DPEP3: variants seen among roughly 807,000 people sequenced by gnomAD.
DPEP3 encodes the protein dipeptidase 3, also known as membrane-bound dipeptidase 3.
DPEP3 carries 42 observed loss-of-function variants against 47.5 expected under a neutral mutation model. The observed-to-expected ratio is 0.88, with a 90% CI of 0.69 to 1.14. DPEP3 has a LOEUF of 1.14. DPEP3 is among the 50% of genes most tolerant of loss of function. The pLI, the probability that DPEP3 is intolerant of heterozygous loss-of-function variation, is 0.00. For missense variants in DPEP3, 560 were observed against 635.0 expected (o/e 0.88, Z 1.27); for synonymous variants, 276 against 270.2 (o/e 1.02, Z -0.21).
chr16:67,976,075 TCCACCA>T lies in DPEP3; in HGVS notation c.1230+12_1230+17del. The T allele has an allele frequency of 6.2e-7, 1 of 1,614,096 alleles. No individual in the cohort carries two copies. Among genetic ancestry groups the T allele is most frequent in the Non-Finnish European group, 8.5e-7 (1 of 1,179,968 alleles). On this transcript the variant is annotated intron_variant, in intron 9 of 9. Coordinates refer to ENST00000268793, the MANE Select transcript of DPEP3 (RefSeq NM_001370198.1). Reference sequence around the variant, plus strand: ...CTTCTCAAACCACTGAACCATCCTGTCCACCAGCCCAGCTTACCTTTTCCACTTGTC... The same window carrying T: ...CTTCTCAAACCACTGAACCATCCTGTGCCCAGCTTACCTTTTCCACTTGTC...
At position 67,977,812 on chromosome 16, in the gene DPEP3, C is replaced by T; in HGVS notation, c.774G>A (p.Leu258=). 6.2e-7 allele frequency: 1 copy of T among 1,613,922 alleles called. No individual in the cohort carries two copies. The highest frequency in any genetic ancestry group is 8.5e-7 in the Non-Finnish European group (1 of 1,179,860). ...AATCTATCATCATGCCCAGGCGGTT[C>T]AACTCCTCTACTACTTTCTGCAGAA... ...TSFGEKVVEE[L]NRLGMMIDLS... is the part of the protein sequence containing the mutation. Residue 258 remains leucine, a synonymous_variant, in exon 6 of 10, where the codon TTG becomes TTA. Transcript: ENST00000268793.
chr16:67,975,689 C>T lies in DPEP3; in HGVS notation c.*76G>A. 7.4e-7 allele frequency: 1 copy of T among 1,354,850 alleles called. No individual in the cohort carries two copies. The highest frequency in any genetic ancestry group is 1.0e-6 in the Non-Finnish European group (1 of 976,908). The allele number at this position is 1,354,850 out of a possible 1,614,324, so 83.9% of individuals were successfully genotyped here. ...CCATGTGTAACATGTTTATTCTCAG[C>T]ATATGCTTGTGAATGAACTAGGAGA... is the stretch of plus-strand genomic sequence containing the variant. On this transcript the variant is annotated 3_prime_UTR_variant, in exon 10 of 10. Transcript: ENST00000268793.
chr16:67,976,047 C>T, intron 9 of DPEP3, 46 bp from the exon 10 acceptor site: 1 of 1,613,830 alleles, frequency 6.2e-7, no homozygotes, highest in Non-Finnish European at 8.5e-7. Context: ...GCAATCCCCT[C>T]CCCTTCTCAA....
chr16:67,976,541 G>A (rs1235058815), intron 8 of DPEP3, among the ~76,000 whole-genome samples, 159 bp downstream of exon 8: 1 of 152,234 alleles, frequency 6.6e-6, no homozygotes, highest in African/African-American at 2.4e-5. Flanking sequence ...GGGACAGGGA[G>A]AAACTAGGAA....
chr16:67,977,774 G>A lies in DPEP3; in HGVS notation c.812C>T (p.Ser271Leu), dbSNP rs147119305. ...CAGGACCCTTCTTATCAAGGTGTCCGATGCATAGGACAAATCTATCATCAT... is the reference window on the plus strand; with the variant it reads ...CAGGACCCTTCTTATCAAGGTGTCCAATGCATAGGACAAATCTATCATCAT... ...LGMMIDLSYA[S>L]DTLIRRVLEV... The change falls in exon 6 of 10, where the codon TCG (serine) becomes TTG (leucine). Residue 271 changes from serine (S) to leucine (L), a missense_variant. Transcript: ENST00000268793. The A allele has an allele frequency of 9.9e-6, 16 of 1,613,838 alleles. No homozygotes were observed. The highest frequency in any genetic ancestry group is 2.2e-5 in the East Asian group (1 of 44,876).
chr16:67,977,920 C>A lies in DPEP3; in HGVS notation c.756+18G>T. ...CGTAGGCAGCAGGTGGGTTGGGGTA[C>A]AAAACAGGAGTCCTCACCTCACCAA... is the stretch of plus-strand genomic sequence containing the variant. On this transcript the variant is annotated intron_variant, in intron 5 of 9. Transcript: ENST00000268793. 1 of 1,613,930 alleles carries A rather than the reference C, an allele frequency of 6.2e-7. No individual in the cohort carries two copies. Among genetic ancestry groups the A allele is most frequent in the Non-Finnish European group, 8.5e-7 (1 of 1,179,878 alleles).
At position 67,975,963 on chromosome 16, in the gene DPEP3, A is replaced by G; in HGVS notation, c.1269T>C (p.Ala423=). Residue 423 remains alanine (A), a synonymous_variant, in exon 10 of 10, where the codon GCT becomes GCC. Coordinates refer to ENST00000268793, the MANE Select transcript of DPEP3 (RefSeq NM_001370198.1). The part of the protein sequence containing the change: ...EESRAQSPVE[A]EFPYGQLSTS... ...TGCTCAGTTGCCCATATGGAAACTC[A>G]GCCTCCACGGGGCTCTGCGCCCTGC... 1.2e-6 allele frequency: 2 copies of G among 1,614,016 alleles called. No individual in the cohort carries two copies. The highest frequency in any genetic ancestry group is 1.7e-6 in the Non-Finnish European group (2 of 1,179,884).
intron 7 of DPEP3, 134 bp from the exon 8 acceptor site, chr16:67,976,909 C>T: frequency 1.3e-6 from 1 of 750,220 alleles, no homozygotes; most frequent in Non-Finnish European, 2.2e-6. Flanking sequence ...GAAGCGGGTA[C>T]AGGCTGGTCA....
chr16:67,979,120 C>A (rs2031266328), intron 2 of DPEP3, among the ~76,000 whole-genome samples: 1 of 152,186 alleles, frequency 6.6e-6, no homozygotes, highest in South Asian at 2.1e-4. Context: ...GCCTGGCCAA[C>A]ATGGTAAAAC....
chr16:67,975,886 A>C lies in DPEP3; in HGVS notation c.1346T>G (p.Leu449Arg), dbSNP rs774941450. 5.6e-6 allele frequency: 9 copies of C among 1,613,774 alleles called. No homozygotes were observed. The highest frequency in any genetic ancestry group is 3.3e-4 in the Middle Eastern group (2 of 6,084). The change falls in exon 10 of 10, where the codon CTG becomes CGG. Residue 449 changes from leucine (L) to arginine (R), a missense_variant. Transcript: ENST00000268793. ...ATTGGTTGGCTGCTTGGTCACCTCC[A>C]GATGAGTAGCCTGGTGTCCATTCTG... Reference protein sequence around the residue: ...VPQNGHQATHLEVTKQPTNRV... With the variant: ...VPQNGHQATHREVTKQPTNRV...
chr16:67,977,127 A>G, intron 7 of DPEP3, 143 bp downstream of exon 7: 1 of 697,756 alleles, frequency 1.4e-6, no homozygotes, highest in Non-Finnish European at 2.5e-6. Context: ...TCTGGGTGGC[A>G]CTGAAGAGCT....
chr16:67,975,818 G>C lies in DPEP3; in HGVS notation c.1414C>G (p.Pro472Ala). 1 of 1,613,938 alleles carries C rather than the reference G, an allele frequency of 6.2e-7. No individual in the cohort carries two copies. Among genetic ancestry groups the C allele is most frequent in the African/African-American group, 1.3e-5 (1 of 75,074 alleles). ...ATGGTGGCAGCAGCCACAAGGCCTGGAACAAGGTATGGGGAGGCATTTGAG... is the reference window on the plus strand; with the variant it reads ...ATGGTGGCAGCAGCCACAAGGCCTGCAACAAGGTATGGGGAGGCATTTGAG... ...RSSNASPYLV[P>A]GLVAAATIPT... The change falls in exon 10 of 10, where the codon CCA (proline) becomes GCA (alanine). Residue 472 changes from proline (P) to alanine (A), a missense_variant. By Grantham distance (27) the Pro-to-Ala change is conservative. Transcript: ENST00000268793.
rs1390520430 is a variant in DPEP3, at chr16:67,979,186, T to C, written c.414+453A>G. Among the ~76,000 whole-genome samples, 12 of 152,124 alleles carry C rather than the reference T, an allele frequency of 7.9e-5. No homozygotes were observed. In the East Asian group the frequency reaches 2.1e-3, roughly 27 times the overall value. Reference sequence around the variant, plus strand: ...AGGGCGTGGTGGCGAGTGCCTGTAATCCCAGCTACTCAGGAGGCTGAGGCA... The same window carrying C: ...AGGGCGTGGTGGCGAGTGCCTGTAACCCCAGCTACTCAGGAGGCTGAGGCA... On this transcript the variant is annotated intron_variant, in intron 2 of 9. Transcript: ENST00000268793.
chr16:67,977,206 C>A, intron 7 of DPEP3, 64 bp downstream of exon 7: 1 of 1,466,768 alleles, frequency 6.8e-7, no homozygotes, highest in Non-Finnish European at 9.5e-7. Context: ...CTGCTAGAGT[C>A]GTCCTGAGGG....
chr16:67,978,066 G>A lies in DPEP3; in HGVS notation c.687-59C>T. ...ATCACACCTTGGGCCATCACAGCCT[G>A]GGGGCCCTGGCTCTATCCATCCATC... On this transcript the variant is annotated intron_variant, in intron 4 of 9. Coordinates refer to ENST00000268793, the MANE Select transcript of DPEP3 (RefSeq NM_001370198.1). The surrounding 1 kb of genome is among the most constrained non-coding windows in gnomAD (Gnocchi z 4.4). The A allele has an allele frequency of 6.2e-7, 1 of 1,602,302 alleles. No homozygotes were observed.
In DPEP3 at chr16:67,980,286, G is replaced by T. The variant is rs779732917; in HGVS notation, c.95C>A (p.Pro32His). 1 of 1,578,744 alleles carries T rather than the reference G, an allele frequency of 6.3e-7. No individual in the cohort carries two copies. The highest frequency in any genetic ancestry group is 8.6e-7 in the Non-Finnish European group (1 of 1,164,166). ...CGGCGTGGTCTCCGCGCGGGTTACG[G>T]GCTGCCGCAGCAGCAGCAGCAGTAG... ...LLLLLLLLRQ[P>H]VTRAETTPGA... Residue 32 changes from proline to histidine, a missense_variant, in exon 1 of 10, where the codon CCC becomes CAC. Transcript: ENST00000268793.
At chr16:67,980,029 C>G (rs2031287696) in intron 1 of DPEP3, 65 bp downstream of exon 1, 6 of 1,540,152 alleles carry the variant, frequency 3.9e-6, no homozygotes, top group Non-Finnish European at 5.2e-6. Flanking sequence ...ATAGCATGCT[C>G]AGAACCTCCT....
In DPEP3 at chr16:67,977,548, C is replaced by T. The variant is rs536108316; in HGVS notation, c.933+105G>A. ...TCAGGGATGGAGGAGGATTAACCAG[C>T]CTTTGGTCCAAGGGTGTGTGAAACC... On this transcript the variant is annotated intron_variant, in intron 6 of 9. Transcript: ENST00000268793. 7.0e-5 allele frequency: 98 copies of T among 1,408,004 alleles called. 3 individuals carry two copies. In the South Asian group the frequency reaches 1.3e-3, roughly 19 times the overall value. The allele number at this position is 1,408,004 out of a possible 1,614,324, so 87.2% of individuals were successfully genotyped here.
Position 67,979,183 on chromosome 16 carries a change from T to C in DPEP3, c.414+456A>G, listed in dbSNP as rs527541205. On this transcript the variant is annotated intron_variant, in intron 2 of 9. Coordinates refer to ENST00000268793, the MANE Select transcript of DPEP3 (RefSeq NM_001370198.1). Reference sequence around the variant, plus strand: ...AGCAGGGCGTGGTGGCGAGTGCCTGTAATCCCAGCTACTCAGGAGGCTGAG... The same window carrying C: ...AGCAGGGCGTGGTGGCGAGTGCCTGCAATCCCAGCTACTCAGGAGGCTGAG... Among the ~76,000 whole-genome samples, 5 of 152,282 alleles carry C rather than the reference T, an allele frequency of 3.3e-5. No individual in the cohort carries two copies. In the South Asian group the frequency reaches 1.0e-3, roughly 32 times the overall value.
Sources: gnomAD v4.1 joint callset for allele counts (sites outside exome capture counted in the v4.1 genomes callset) on GRCh38, gnomAD v4.1.1 for gene constraint, Gnocchi (gnomAD v3.1) non-coding constraint, MANE v1.5 for transcripts, NCBI Gene and HGNC (gene_info 2026-07-23, HGNC 2026-07-21) for gene names.